Variants in C5orf15 observed in about 807,000 individuals in gnomAD.
The protein encoded by C5orf15 is keratinocyte-associated transmembrane protein 2.
A neutral mutation model predicts 17.8 loss-of-function variants in C5orf15; 10 were observed. The observed-to-expected ratio is 0.56, with a 90% CI of 0.35 to 0.95. C5orf15 has a LOEUF of 0.95. Ranked by LOEUF, C5orf15 falls within the 40% of genes least tolerant of loss-of-function variation. The pLI is 0.02. For missense variants in C5orf15, 319 were observed against 331.7 expected (o/e 0.96, Z 0.30); for synonymous variants, 124 against 131.0 (o/e 0.95, Z 0.36).
At chr5:133,958,438 G>A (rs1752067813) in intron 2 of C5orf15, among the ~76,000 whole-genome samples, 2 of 151,778 alleles carry the variant, frequency 1.3e-5, no homozygotes, top group Admixed American at 6.6e-5. Context: ...TTAGCCAGGC[G>A]TGGTGGCCTG....
At chr5:133,966,863 G>A (rs1752200066) in intron 1 of C5orf15, among the ~76,000 whole-genome samples, 1 of 152,058 alleles carries the variant, frequency 6.6e-6, no homozygotes, top group Non-Finnish European at 1.5e-5. Flanking sequence ...ATTTTAAACT[G>A]GTGTATGTAA....
In C5orf15 at chr5:133,956,778, T is replaced by A; in HGVS notation, c.*81A>T. 1 of 1,425,358 alleles carries A rather than the reference T, an allele frequency of 7.0e-7. No homozygotes were observed. The highest frequency in any genetic ancestry group is 9.4e-7 in the Non-Finnish European group (1 of 1,069,268). The allele number at this position is 1,425,358 out of a possible 1,614,324, so 88.3% of individuals were successfully genotyped here. A position where few individuals can be genotyped will look rare whatever the true frequency, so the allele number is the denominator to read the frequency against. ...ACTCACCTCTCATTTAAGTACCAATTGCCTATGGCAAACATTTGCACAATA... is the reference window on the plus strand; with the variant it reads ...ACTCACCTCTCATTTAAGTACCAATAGCCTATGGCAAACATTTGCACAATA... On this transcript the variant is annotated 3_prime_UTR_variant, in exon 3 of 3. Transcript: ENST00000231512.
At chr5:133,958,998 G>A (rs971954512) in intron 2 of C5orf15, among the ~76,000 whole-genome samples, 4 of 151,974 alleles carry the variant, frequency 2.6e-5, no homozygotes, top group African/African-American at 7.2e-5. Flanking sequence ...TCTGCAGTGT[G>A]TTAAAATACA....
chr5:133,959,424 AAAAAG>A, intron 2 of C5orf15, 65 bp downstream of exon 2: 8 of 710,482 alleles, frequency 1.1e-5, no homozygotes, highest in East Asian at 8.9e-5. Flanking sequence ...AAAAAAAAAA[AAAAAG>A]AACCATGAAT....
intron 1 of C5orf15, among the ~76,000 whole-genome samples, chr5:133,968,086 C>T (rs929174602): frequency 1.3e-5 from 2 of 152,000 alleles, no homozygotes; most frequent in Non-Finnish European, 2.9e-5. Flanking sequence ...CCTAACTTTC[C>T]GATCCAAGAA....
At chr5:133,965,822 G>T (rs540169734) in intron 1 of C5orf15, among the ~76,000 whole-genome samples, 6 of 152,308 alleles carry the variant, frequency 3.9e-5, no homozygotes, top group Middle Eastern at 3.4e-3. Context: ...CTATTCAGGG[G>T]GCTGAAGTGG....
rs115343209 is a variant in C5orf15 at position 133,968,055 on chromosome 5, C to A, written c.139+391G>T. Among the ~76,000 whole-genome samples, 676 of 152,138 alleles carry A rather than the reference C, an allele frequency of 4.4e-3. 3 individuals are homozygous for A. The highest frequency in any genetic ancestry group is 0.016 in the African/African-American group (659 of 41,510). ...CCGGCCACCTCCTCAGCCCCTGTCG[C>A]CACCCTCTCTTCCAGAGTCTCCTAA... On this transcript the variant is annotated intron_variant, in intron 1 of 2. Coordinates refer to ENST00000231512, the MANE Select transcript of C5orf15 (RefSeq NM_020199.3).
At position 133,958,663 on chromosome 5, in the gene C5orf15, G is replaced by A. The variant is rs1752073600; in HGVS notation, c.666+831C>T. 2.1e-5 allele frequency among the ~76,000 whole-genome samples: 3 copies of A among 145,982 alleles called. No homozygotes were observed. In the South Asian group the frequency reaches 6.5e-4, roughly 32 times the overall value. Reference sequence around the variant, plus strand: ...ATACACCTATATGTATAAATTATATGCACATTTATAGACCAGAAATACACC... The same window carrying A: ...ATACACCTATATGTATAAATTATATACACATTTATAGACCAGAAATACACC... On this transcript the variant is annotated intron_variant, in intron 2 of 2. Coordinates refer to ENST00000231512, the MANE Select transcript of C5orf15 (RefSeq NM_020199.3).
Position 133,968,491 on chromosome 5 carries a change from G to A in C5orf15, c.94C>T (p.Pro32Ser). The A allele has an allele frequency of 6.2e-7, 1 of 1,605,286 alleles. No individual in the cohort carries two copies. The change falls in exon 1 of 3, where the codon CCG becomes TCG. Residue 32 changes from proline (P) to serine (S), a missense_variant. By Grantham distance (74) the Pro-to-Ser change is moderately conservative (BLOSUM62 -1). Coordinates refer to ENST00000231512, the MANE Select transcript of C5orf15 (RefSeq NM_020199.3). ...AIQALVGLARPLVLALLLVSA... is the reference protein window; with the variant it reads ...AIQALVGLARSLVLALLLVSA... ...ACAAGCAGGAGCGCCAAGACCAGCG[G>A]CCGCGCCAACCCCACAAGGGCTTGG...
chr5:133,960,590 AAAG>A (rs796315367), intron 1 of C5orf15, among the ~76,000 whole-genome samples: 87 of 152,350 alleles, frequency 5.7e-4, no homozygotes, highest in African/African-American at 2.0e-3. Flanking sequence ...ATTCAAAAAA[AAAG>A]AAGGATCCTT....
intron 1 of C5orf15, among the ~76,000 whole-genome samples, chr5:133,962,291 A>C (rs914719422): frequency 2.6e-5 from 4 of 152,026 alleles, no homozygotes; most frequent in Admixed American, 2.6e-4. Context: ...CCCTTCTTTC[A>C]CCCTTTGCTT....
intron 1 of C5orf15, among the ~76,000 whole-genome samples, chr5:133,963,020 G>C (rs1752144980): frequency 1.3e-5 from 2 of 152,084 alleles, no homozygotes; most frequent in African/African-American, 4.8e-5. Context: ...CAAGCTCTCT[G>C]ACTACTCACA....
intron 1 of C5orf15, among the ~76,000 whole-genome samples, chr5:133,964,190 C>T (rs1219412326): frequency 6.6e-6 from 1 of 152,086 alleles, no homozygotes; most frequent in Non-Finnish European, 1.5e-5. Flanking sequence ...GCACTCCAGC[C>T]TGGAGTGCAA....
rs1175311687 is a variant in C5orf15 at position 133,968,496 on chromosome 5, G to A, written c.89C>T (p.Ala30Val). 1.9e-6 allele frequency: 3 copies of A among 1,604,790 alleles called. No individual in the cohort carries two copies. Among genetic ancestry groups the A allele is most frequent in the East Asian group, 4.5e-5 (2 of 44,596 alleles). ...CAGGAGCGCCAAGACCAGCGGCCGC[G>A]CCAACCCCACAAGGGCTTGGATGGC... is the stretch of plus-strand genomic sequence containing the variant. The part of the protein sequence containing the change: ...GSAIQALVGL[A>V]RPLVLALLLV... The change falls in exon 1 of 3, where the codon GCG becomes GTG. Residue 30 changes from alanine to valine, a missense_variant. Around this residue, in one of 3 missense-constraint regions of C5orf15, gnomAD observed 127 missense variants for 95.6 expected, o/e 1.33. Coordinates refer to ENST00000231512, the MANE Select transcript of C5orf15 (RefSeq NM_020199.3).
chr5:133,963,836 A>C (rs943601832), intron 1 of C5orf15, among the ~76,000 whole-genome samples: 1 of 152,198 alleles, frequency 6.6e-6, no homozygotes, highest in African/African-American at 2.4e-5. Context: ...CTTTATTCAT[A>C]ATAGCCAAAA....
At chr5:133,966,793 G>A (rs1246111611) in intron 1 of C5orf15, among the ~76,000 whole-genome samples, 2 of 152,180 alleles carry the variant, frequency 1.3e-5, no homozygotes, top group African/African-American at 4.8e-5. Flanking sequence ...GCCTATTAAA[G>A]ACATGTATGT....
In C5orf15 at chr5:133,968,448, C is replaced by A; in HGVS notation, c.137G>T (p.Ser46Ile). The A allele has an allele frequency of 1.9e-6, 3 of 1,604,574 alleles. No individual in the cohort carries two copies. The highest frequency in any genetic ancestry group is 2.6e-6 in the Non-Finnish European group (3 of 1,175,996). ...ALLLVSAALS[S>I]VVSRTDSPSP... is the part of the protein sequence containing the mutation. ...CCCACACTGCCGCCCCCCTTTACCACTGGATAGAGCGGCGGACACAAGCAG... is the reference window on the plus strand; with the variant it reads ...CCCACACTGCCGCCCCCCTTTACCAATGGATAGAGCGGCGGACACAAGCAG... The change falls in exon 1 of 3, where the codon AGT (serine) becomes ATT (isoleucine). Residue 46 changes from serine (S) to isoleucine (I), a missense_variant and splice_region_variant. Transcript: ENST00000231512.
chr5:133,959,404 C>CAAAAAA (rs397999300), intron 2 of C5orf15, 90 bp downstream of exon 2: 27 of 124,564 alleles, frequency 2.2e-4, no homozygotes, highest in Admixed American at 4.4e-4. Flanking sequence ...CTTTTTTTTG[C>CAAAAAA]AAAAAAAAAA....
At position 133,959,709 on chromosome 5, in the gene C5orf15, G is replaced by C; in HGVS notation, c.451C>G (p.Pro151Ala). 1 of 1,613,884 alleles carries C rather than the reference G, an allele frequency of 6.2e-7. No individual in the cohort carries two copies. The highest frequency in any genetic ancestry group is 1.3e-5 in the African/African-American group (1 of 75,004). ...GGGCCCGTGGTCCAGTCATAGTCTG[G>C]TTCTCCATAATCGCCATTGTCTAGA... ...DTLDNGDYGE[P>A]DYDWTTGPRD... is the part of the protein sequence containing the mutation. Residue 151 changes from proline (P) to alanine (A), a missense_variant, in exon 2 of 3, where the codon CCA becomes GCA. Physicochemically the swap from Pro to Ala is conservative, Grantham distance 27 (BLOSUM62 -1). This residue lies in a region of C5orf15 where 175 missense variants were observed against 192.4 expected (regional missense o/e 0.91). Transcript: ENST00000231512.
Sources: gnomAD v4.1 joint callset for allele counts (sites outside exome capture counted in the v4.1 genomes callset) on GRCh38, gnomAD v4.1.1 for gene constraint, gnomAD v4.1.1 regional missense constraint, MANE v1.5 for transcripts, NCBI Gene and HGNC (gene_info 2026-07-23, HGNC 2026-07-21) for gene names.